The following SLC4A3 variants were observed in gnomAD, a reference collection of about 807,000 sequenced individuals.
SLC4A3 encodes anion exchange protein 3.
SLC4A3 carries 47 observed loss-of-function variants against 114.2 expected under a neutral mutation model. The observed-to-expected ratio is 0.41, with a 90% CI of 0.33 to 0.52. The LOEUF (loss-of-function observed/expected upper bound fraction) is 0.52. Ranked by LOEUF, SLC4A3 falls within the 20% of genes least tolerant of loss-of-function variation. The probability of loss-of-function intolerance (pLI) is 0.21; values close to 1 mark genes in which losing one functional copy is unlikely to be tolerated. For missense variants in SLC4A3, 1,312 were observed against 1,668.3 expected, an observed-to-expected ratio of 0.79 and a Z score of 3.72; for synonymous variants, 693 against 710.3, an observed-to-expected ratio of 0.98 and a Z score of 0.39.
Position 219,632,457 on chromosome 2 carries a change from G to A in SLC4A3, c.1141+15G>A, listed in dbSNP as rs567888668. 6.4e-7 allele frequency: 1 copy of A among 1,572,100 alleles called. No individual in the cohort carries two copies. The highest frequency in any genetic ancestry group is 1.3e-5 in the African/African-American group (1 of 74,230). On this transcript the variant is annotated intron_variant, in intron 8 of 22. Transcript: ENST00000358055. Reference sequence around the variant, plus strand: ...CATCGCCCATGGTAGGGACCCCCAGGCCTGGCCCGAGGCTGCAAGCCCTCT... The same window carrying A: ...CATCGCCCATGGTAGGGACCCCCAGACCTGGCCCGAGGCTGCAAGCCCTCT...
rs1698897460 is a variant in SLC4A3, at chr2:219,630,997, C to G, written c.811+645C>G. 9.7e-6 allele frequency: 5 copies of G among 515,168 alleles called. No individual in the cohort carries two copies. The highest frequency in any genetic ancestry group is 1.3e-5 in the Non-Finnish European group (5 of 379,504). 31.9% of individuals were successfully genotyped at this position (515,168 alleles called of 1,614,324 possible). ...AGTTGCCAGGGCCTGAGGACAGGGA[C>G]AGGAACAATCCGATGGCAGCAGTAG... On this transcript the variant is annotated intron_variant, in intron 6 of 22. Coordinates refer to ENST00000358055, the MANE Select transcript of SLC4A3 (RefSeq NM_005070.4). This position sits in a 1 kb window ranked among gnomAD's most constrained non-coding sequence, Gnocchi z 6.9.
In SLC4A3 at chr2:219,639,750, C is replaced by G. The variant is rs750226357; in HGVS notation, c.3277+15C>G. ...CAGCCTCGTGGGTGAGAGCCCGCCTCCACCCTGCACACCCCCTTCCTTGGG... is the reference window on the plus strand; with the variant it reads ...CAGCCTCGTGGGTGAGAGCCCGCCTGCACCCTGCACACCCCCTTCCTTGGG... On this transcript the variant is annotated intron_variant, in intron 20 of 22. Transcript: ENST00000358055. This position sits in a 1 kb window ranked among gnomAD's most constrained non-coding sequence, Gnocchi z 5.9. 4 of 1,599,690 alleles carry G rather than the reference C, an allele frequency of 2.5e-6. No homozygotes were observed. Among genetic ancestry groups the G allele is most frequent in the Non-Finnish European group, 3.4e-6 (4 of 1,177,688 alleles).
In SLC4A3 at chr2:219,627,764, C is replaced by T. The variant is rs1049965088; in HGVS notation, c.-94+19C>T. The T allele has an allele frequency of 2.9e-5, 10 of 342,918 alleles. No individual in the cohort carries two copies. Among genetic ancestry groups the T allele is most frequent in the Middle Eastern group, 7.8e-4 (1 of 1,282 alleles). 21.2% of individuals were successfully genotyped at this position (342,918 alleles called of 1,614,324 possible). A position where few individuals can be genotyped will look rare whatever the true frequency, so the allele number is the denominator to read the frequency against. On this transcript the variant is annotated intron_variant, in intron 1 of 22. Transcript: ENST00000358055. ...CCCCGAGGTACCGCGGGGCGGGGCA[C>T]GCCGGGCAGGGCGGGGGACCCGGGC...
At position 219,630,968 on chromosome 2, in the gene SLC4A3, G is replaced by A. The variant is rs1297992212; in HGVS notation, c.811+616G>A. Reference sequence around the variant, plus strand: ...TAGGGCTTTGAGCTCAATACGTCATGGAAAGTTGCCAGGGCCTGAGGACAG... The same window carrying A: ...TAGGGCTTTGAGCTCAATACGTCATAGAAAGTTGCCAGGGCCTGAGGACAG... On this transcript the variant is annotated intron_variant, in intron 6 of 22. Transcript: ENST00000358055. The surrounding 1 kb of genome is among the most constrained non-coding windows in gnomAD (Gnocchi z 6.9). 1 of 243,210 alleles carries A rather than the reference G, an allele frequency of 4.1e-6. No homozygotes were observed. The highest frequency in any genetic ancestry group is 6.6e-6 in the Non-Finnish European group (1 of 151,522). The allele number at this position is 243,210 out of a possible 1,614,324, so 15.1% of individuals were successfully genotyped here. A position where few individuals can be genotyped will look rare whatever the true frequency, so the allele number is the denominator to read the frequency against.
In SLC4A3 at chr2:219,630,463, G is replaced by C. The variant is rs970073563; in HGVS notation, c.811+111G>C. ...CCCTGCTAAGGGCTGAGTCCTCTCT[G>C]AATCCCTGTCTGCTGGGATGTGGCC... On this transcript the variant is annotated intron_variant, in intron 6 of 22. Transcript: ENST00000358055. The surrounding 1 kb of genome is among the most constrained non-coding windows in gnomAD (Gnocchi z 6.9). 12 of 1,181,994 alleles carry C rather than the reference G, an allele frequency of 1.0e-5. No homozygotes were observed. Among genetic ancestry groups the C allele is most frequent in the Non-Finnish European group, 1.2e-5 (10 of 858,824 alleles). 73.2% of individuals were successfully genotyped at this position (1,181,994 alleles called of 1,614,324 possible).
chr2:219,627,830 G>C, intron 1 of SLC4A3, 70 bp from the exon 2 acceptor site: 1 of 573,604 alleles, frequency 1.7e-6, no homozygotes. Context: ...CGCTTGGGCC[G>C]GGAGCGTGCA....
Position 219,641,910 on chromosome 2 carries a change from C to T in SLC4A3, c.*182C>T. 1 of 587,254 alleles carries T rather than the reference C, an allele frequency of 1.7e-6. No individual in the cohort carries two copies. Among genetic ancestry groups the T allele is most frequent in the Non-Finnish European group, 3.1e-6 (1 of 327,372 alleles). The allele number at this position is 587,254 out of a possible 1,614,324, so 36.4% of individuals were successfully genotyped here. A position where few individuals can be genotyped will look rare whatever the true frequency, so the allele number is the denominator to read the frequency against. On this transcript the variant is annotated 3_prime_UTR_variant, in exon 23 of 23. Coordinates refer to ENST00000358055, the MANE Select transcript of SLC4A3 (RefSeq NM_005070.4). This position sits in a 1 kb window ranked among gnomAD's most constrained non-coding sequence, Gnocchi z 4.0. ...TGCCCGGGGTGTTGACCTCGCCTCA[C>T]CTTTCACAGACCAGACCGGCACAGG...
chr2:219,638,349 C>A lies in SLC4A3; in HGVS notation c.2856+96C>A. The A allele has an allele frequency of 1.9e-6, 2 of 1,039,606 alleles. No individual in the cohort carries two copies. Among genetic ancestry groups the A allele is most frequent in the Non-Finnish European group, 2.9e-6 (2 of 691,812 alleles). The allele number at this position is 1,039,606 out of a possible 1,614,324, so 64.4% of individuals were successfully genotyped here. On this transcript the variant is annotated intron_variant, in intron 18 of 22. Coordinates refer to ENST00000358055, the MANE Select transcript of SLC4A3 (RefSeq NM_005070.4). This position sits in a 1 kb window ranked among gnomAD's most constrained non-coding sequence, Gnocchi z 7.5. ...CATGGGCCCTGGGATTGGGATCAGGCCTGAACTCAACTTTCCCAGTGGAGT... is the reference window on the plus strand; with the variant it reads ...CATGGGCCCTGGGATTGGGATCAGGACTGAACTCAACTTTCCCAGTGGAGT...
Position 219,635,502 on chromosome 2 carries a change from A to G in SLC4A3, c.1972+6A>G, listed in dbSNP as rs192846666. 1 of 1,598,994 alleles carries G rather than the reference A, an allele frequency of 6.3e-7. No homozygotes were observed. Among genetic ancestry groups the G allele is most frequent in the Non-Finnish European group, 8.5e-7 (1 of 1,171,772 alleles). ...CTACACGGCCCCTGGGAAAGGTCAG[A>G]CCCTTGGAGGCTGAGTGCCCCCAAT... is the stretch of plus-strand genomic sequence containing the variant. On this transcript the variant is annotated splice_donor_region_variant and intron_variant, in intron 13 of 22. Transcript: ENST00000358055.
chr2:219,633,518 G>A (rs999946378), intron 10 of SLC4A3, 61 bp downstream of exon 10: 8 of 1,396,062 alleles, frequency 5.7e-6, no homozygotes, highest in African/African-American at 1.5e-5. Context: ...TTCAGTCGAG[G>A]TCATCGACGA....
At position 219,638,047 on chromosome 2, in the gene SLC4A3, T is replaced by TG. The variant is rs1209912404; in HGVS notation, c.2767-111dup. The TG allele has an allele frequency of 4.7e-6, 4 of 850,484 alleles. No individual in the cohort carries two copies. The highest frequency in any genetic ancestry group is 7.7e-6 in the Non-Finnish European group (4 of 520,392). The allele number at this position is 850,484 out of a possible 1,614,324, so 52.7% of individuals were successfully genotyped here. ...GGCACCTGTGGGGTTGAGAGGCACGTGGGGGGCCTTCTGGCTCCAGCTTGG... is the reference window on the plus strand; with the variant it reads ...GGCACCTGTGGGGTTGAGAGGCACGTGGGGGGGCCTTCTGGCTCCAGCTTGG... On this transcript the variant is annotated intron_variant, in intron 17 of 22. Coordinates refer to ENST00000358055, the MANE Select transcript of SLC4A3 (RefSeq NM_005070.4). This position sits in a 1 kb window ranked among gnomAD's most constrained non-coding sequence, Gnocchi z 7.5.
At position 219,640,767 on chromosome 2, in the gene SLC4A3, G is replaced by T. The variant is rs556578132; in HGVS notation, c.3448-22G>T. ...AGCAGGCCGGGACGCTGTGCACTGGGGCCCACTGGCTGCTCCCCTAGGTGA... is the reference window on the plus strand; with the variant it reads ...AGCAGGCCGGGACGCTGTGCACTGGTGCCCACTGGCTGCTCCCCTAGGTGA... On this transcript the variant is annotated intron_variant, in intron 21 of 22. Coordinates refer to ENST00000358055, the MANE Select transcript of SLC4A3 (RefSeq NM_005070.4). 94 of 1,606,540 alleles carry T rather than the reference G, an allele frequency of 5.9e-5. No homozygotes were observed. In the South Asian group the frequency reaches 9.8e-4, roughly 17 times the overall value.
intron 8 of SLC4A3, 35 bp from the exon 9 acceptor site, chr2:219,632,839 G>A (rs1559199693): frequency 6.2e-7 from 1 of 1,612,366 alleles, no homozygotes; most frequent in East Asian, 2.2e-5. Context: ...TGTCTGATGG[G>A]ACTGTGCCCT....
Position 219,636,946 on chromosome 2 carries a change from A to T in SLC4A3, c.2535+72A>T, listed in dbSNP as rs1471176558. ...ATTGCCCTGGGGAGGACAGCATGGG[A>T]GGGGGAGGTATGGAGAACTAGGGGA... On this transcript the variant is annotated intron_variant, in intron 16 of 22. Transcript: ENST00000358055. This position sits in a 1 kb window ranked among gnomAD's most constrained non-coding sequence, Gnocchi z 5.5. 2.3e-6 allele frequency: 3 copies of T among 1,308,494 alleles called. No individual in the cohort carries two copies. Among genetic ancestry groups the T allele is most frequent in the Non-Finnish European group, 2.2e-6 (2 of 923,134 alleles). 81.1% of individuals were successfully genotyped at this position (1,308,494 alleles called of 1,614,324 possible).
In SLC4A3 at chr2:219,628,449, G is replaced by A; in HGVS notation, c.96G>A (p.Glu32=). 6.2e-7 allele frequency: 1 copy of A among 1,613,734 alleles called. No homozygotes were observed. The highest frequency in any genetic ancestry group is 8.5e-7 in the Non-Finnish European group (1 of 1,179,882). Residue 32 remains glutamate (E), a synonymous_variant, in exon 3 of 23, where the codon GAG becomes GAA. Coordinates refer to ENST00000358055, the MANE Select transcript of SLC4A3 (RefSeq NM_005070.4). This position sits in a 1 kb window ranked among gnomAD's most constrained non-coding sequence, Gnocchi z 4.8. The stretch of plus-strand genomic sequence containing the variant: ...AGCCCCCTCTAAGTCCAGACGTGGA[G>A]GAGGAGGACGATGACTTGGGCAAGA... ...LEEPPLSPDV[E]EEDDDLGKTL...
At chr2:219,640,240 C>T (rs1336310392) in intron 20 of SLC4A3, among the ~76,000 whole-genome samples, 190 bp from the exon 21 acceptor site, 2 of 131,288 alleles carry the variant, frequency 1.5e-5, no homozygotes, top group Non-Finnish European at 3.2e-5. Context: ...CCCCCCCGCC[C>T]CTCCTTCTCT....
At chr2:219,629,830 AG>A (rs1698854504) in intron 5 of SLC4A3, 135 bp downstream of exon 5, 2 of 144,374 alleles carry the variant, frequency 1.4e-5, no homozygotes, top group East Asian at 1.8e-4. Flanking sequence ...AGGGTGTGGG[AG>A]GGGGGTGGGG....
chr2:219,630,436 T>TC lies in SLC4A3; in HGVS notation c.811+88dup, dbSNP rs1222763714. 1.6e-5 allele frequency: 22 copies of TC among 1,407,210 alleles called. No homozygotes were observed. The South Asian group carries it at 3.0e-4, about 19-fold the overall frequency. The allele number at this position is 1,407,210 out of a possible 1,614,324, so 87.2% of individuals were successfully genotyped here. ...GTGACCTTGGAGAGGCTCTGAGCTG[T>TC]CCCCTGCTAAGGGCTGAGTCCTCTC... On this transcript the variant is annotated intron_variant, in intron 6 of 22. Coordinates refer to ENST00000358055, the MANE Select transcript of SLC4A3 (RefSeq NM_005070.4). The surrounding 1 kb of genome is among the most constrained non-coding windows in gnomAD (Gnocchi z 6.9).
Position 219,629,339 on chromosome 2 carries a change from A to C in SLC4A3, c.413A>C (p.Glu138Ala). 1 of 1,603,954 alleles carries C rather than the reference A, an allele frequency of 6.2e-7. No individual in the cohort carries two copies. Among genetic ancestry groups the C allele is most frequent in the South Asian group, 1.1e-5 (1 of 90,246 alleles). The change falls in exon 4 of 23, where the codon GAG (glutamate) becomes GCG (alanine). Residue 138 changes from glutamate to alanine, a missense_variant. Transcript: ENST00000358055. Reference protein sequence around the residue: ...EEGGAGVDEEEEEEEEEEGES... With the variant: ...EEGGAGVDEEAEEEEEEEGES... The stretch of plus-strand genomic sequence containing the variant: ...GGGGGAGCTGGAGTGGATGAGGAAG[A>C]GGAGGAAGAGGAGGAAGAGGAAGGA...
Sources: gnomAD v4.1 joint callset for allele counts (sites outside exome capture counted in the v4.1 genomes callset) on GRCh38, gnomAD v4.1.1 for gene constraint, Gnocchi (gnomAD v3.1) non-coding constraint, MANE v1.5 for transcripts, NCBI Gene and HGNC (gene_info 2026-07-23, HGNC 2026-07-21) for gene names.